DECR1: variants seen among roughly 807,000 people sequenced by gnomAD.
DECR1 encodes the protein 2,4-dienoyl-CoA reductase [(3E)-enoyl-CoA-producing], mitochondrial.
A neutral mutation model predicts 38.8 loss-of-function variants in DECR1; 44 were observed. The observed-to-expected ratio is 1.13, with a 90% CI of 0.89 to 1.46. The LOEUF (loss-of-function observed/expected upper bound fraction) is 1.46, where lower values mean the gene tolerates loss of function less well. Among genes scored for constraint, DECR1 ranks in the 40% most tolerant of loss-of-function variants. DECR1 has a pLI of 0.00. For missense variants in DECR1, 428 were observed against 405.5 expected (o/e 1.06, Z -0.48); for synonymous variants, 148 against 135.2 (o/e 1.09, Z -0.66).
At position 90,017,184 on chromosome 8, in the gene DECR1, T is replaced by C. The variant is rs2130044368; in HGVS notation, c.130T>C (p.Phe44Leu). The stretch of plus-strand genomic sequence containing the variant: ...CACTGAAGCTTTGCAATCTAAATTC[T>C]TTTCACCTCTTCAAAAAGCGATGCT... ...QNTEALQSKFFSPLQKAMLPP... is the reference protein window; with the variant it reads ...QNTEALQSKFLSPLQKAMLPP... The change falls in exon 2 of 10, where the codon TTT (phenylalanine) becomes CTT (leucine). Residue 44 changes from phenylalanine (F) to leucine (L), a missense_variant. By Grantham distance (22) the Phe-to-Leu change is conservative. Coordinates refer to ENST00000220764, the MANE Select transcript of DECR1 (RefSeq NM_001359.2). 1 of 1,614,178 alleles carries C rather than the reference T, an allele frequency of 6.2e-7. No individual in the cohort carries two copies. Among genetic ancestry groups the C allele is most frequent in the Middle Eastern group, 1.6e-4 (1 of 6,062 alleles).
intron 1 of DECR1, chr8:90,016,789 A>G (rs1212729342): frequency 3.6e-6 from 1 of 279,476 alleles, no homozygotes; most frequent in African/African-American, 2.3e-5. Context: ...TTTACCTGTA[A>G]TAACTCATAT....
chr8:90,003,627 A>G (rs1812671734), intron 1 of DECR1, among the ~76,000 whole-genome samples: 1 of 152,210 alleles, frequency 6.6e-6, no homozygotes, highest in Non-Finnish European at 1.5e-5. Context: ...AGTCTCATAT[A>G]TGTATTTTAA....
Position 90,052,078 on chromosome 8 carries a change from G to A in DECR1, c.*181G>A. The A allele has an allele frequency of 3.8e-6, 2 of 521,888 alleles. No homozygotes were observed. The highest frequency in any genetic ancestry group is 6.6e-6 in the Non-Finnish European group (2 of 304,654). The allele number at this position is 521,888 out of a possible 1,614,324, so 32.3% of individuals were successfully genotyped here. On this transcript the variant is annotated 3_prime_UTR_variant, in exon 10 of 10. Transcript: ENST00000220764. ...TCAAAGATAAATAAAATGAAATATA[G>A]TCCTTCAAAACATTAAAAAAAAAAA... is the stretch of plus-strand genomic sequence containing the variant.
chr8:90,035,448 C>A (rs1435240978), intron 5 of DECR1, among the ~76,000 whole-genome samples: 1 of 151,600 alleles, frequency 6.6e-6, no homozygotes, highest in East Asian at 1.9e-4. Context: ...ATTCATGGAT[C>A]TTTTCTTCTA....
chr8:90,028,901 G>A (rs1472135330), intron 5 of DECR1, among the ~76,000 whole-genome samples: 2 of 151,948 alleles, frequency 1.3e-5, no homozygotes, highest in Admixed American at 6.6e-5. Context: ...CCCATTTATA[G>A]ACATGGGTGG....
chr8:90,044,551 T>A (rs1193926483), intron 7 of DECR1, among the ~76,000 whole-genome samples: 2 of 152,230 alleles, frequency 1.3e-5, no homozygotes, highest in African/African-American at 4.8e-5. Context: ...CCACCTAAGC[T>A]TGTACATATT....
intron 1 of DECR1, among the ~76,000 whole-genome samples, chr8:90,016,099 T>C (rs1813000476): frequency 6.6e-6 from 1 of 152,172 alleles, no homozygotes; most frequent in South Asian, 2.1e-4. Context: ...TGTTAACATA[T>C]AAAATAGGGC....
At chr8:90,032,445 G>A (rs1413964976) in intron 5 of DECR1, among the ~76,000 whole-genome samples, 2 of 152,052 alleles carry the variant, frequency 1.3e-5, no homozygotes, top group Admixed American at 6.6e-5. Flanking sequence ...AAGAGTTCAC[G>A]TGATTAGACT....
chr8:90,025,716 T>C (rs896850414), intron 5 of DECR1, among the ~76,000 whole-genome samples: 1 of 152,118 alleles, frequency 6.6e-6, no homozygotes, highest in Non-Finnish European at 1.5e-5. Context: ...CCCTTATTTC[T>C]TTCTCCTGCC....
intron 5 of DECR1, among the ~76,000 whole-genome samples, chr8:90,031,725 T>G (rs1272709589): frequency 6.6e-6 from 1 of 152,146 alleles, no homozygotes. Flanking sequence ...TCAGTAAGAT[T>G]AATTGCTAGC....
At chr8:90,010,021 T>C (rs1003642181) in intron 1 of DECR1, among the ~76,000 whole-genome samples, 1 of 152,248 alleles carries the variant, frequency 6.6e-6, no homozygotes, top group Non-Finnish European at 1.5e-5. Flanking sequence ...TCCTGGCAAC[T>C]GCATAATTCA....
At chr8:90,028,021 T>C (rs1240328611) in intron 5 of DECR1, among the ~76,000 whole-genome samples, 2 of 152,160 alleles carry the variant, frequency 1.3e-5, no homozygotes, top group Non-Finnish European at 2.9e-5. Context: ...AAGTGTTACT[T>C]TTCATTGAGC....
At chr8:90,036,071 A>G (rs751566467) in intron 5 of DECR1, among the ~76,000 whole-genome samples, 2 of 152,102 alleles carry the variant, frequency 1.3e-5, no homozygotes, top group South Asian at 2.1e-4. Context: ...CCTGGCCTCA[A>G]TGGAATCTCA....
At chr8:90,009,621 A>G (rs1430387186) in intron 1 of DECR1, among the ~76,000 whole-genome samples, 2 of 152,126 alleles carry the variant, frequency 1.3e-5, no homozygotes, top group African/African-American at 4.8e-5. Flanking sequence ...TCATAATGTC[A>G]TGTTTATCCC....
rs576817328 is a variant in DECR1, at chr8:90,022,479, G to A, written c.565+1423G>A. ...GGATGTGATTTATAATTGGATTTTG[G>A]ATAAGTGTTTTATTTGATGTTTTTT... On this transcript the variant is annotated intron_variant, in intron 5 of 9. Coordinates refer to ENST00000220764, the MANE Select transcript of DECR1 (RefSeq NM_001359.2). Among the ~76,000 whole-genome samples the A allele has an allele frequency of 3.9e-5, 6 of 152,126 alleles. No individual in the cohort carries two copies. The South Asian group carries it at 1.2e-3, about 32-fold the overall frequency.
chr8:90,050,983 T>C (rs979968445), intron 8 of DECR1, among the ~76,000 whole-genome samples: 2 of 151,936 alleles, frequency 1.3e-5, no homozygotes, highest in East Asian at 3.9e-4. Context: ...ATGAAAACAC[T>C]TGGACACAGG....
intron 6 of DECR1, among the ~76,000 whole-genome samples, chr8:90,039,867 A>T (rs1420153718): frequency 6.6e-6 from 1 of 152,236 alleles, no homozygotes; most frequent in Non-Finnish European, 1.5e-5. Flanking sequence ...AGCAATATTT[A>T]TAGTATTGAC....
chr8:90,020,900 A>C lies in DECR1; in HGVS notation c.418-9A>C. On this transcript the variant is annotated splice_polypyrimidine_tract_variant and intron_variant, in intron 4 of 9. Coordinates refer to ENST00000220764, the MANE Select transcript of DECR1 (RefSeq NM_001359.2). ...AAAGTTTCTGTAACTTGCCTTGTTC[A>C]TTTATTAGATTGTGATAAACAATGC... is the stretch of plus-strand genomic sequence containing the variant. The C allele has an allele frequency of 6.6e-7, 1 of 1,526,306 alleles. No individual in the cohort carries two copies. Among genetic ancestry groups the C allele is most frequent in the Non-Finnish European group, 8.7e-7 (1 of 1,143,008 alleles). 94.5% of individuals were successfully genotyped at this position (1,526,306 alleles called of 1,614,324 possible). A position where few individuals can be genotyped will look rare whatever the true frequency, so the allele number is the denominator to read the frequency against.
intron 1 of DECR1, among the ~76,000 whole-genome samples, chr8:90,008,013 A>T (rs1563614981): frequency 6.6e-6 from 1 of 152,242 alleles, no homozygotes; most frequent in African/African-American, 2.4e-5. Flanking sequence ...GTAGGCTTTC[A>T]TAATTGCTGG....
Sources: allele counts gnomAD v4.1 joint callset (sites outside exome capture counted in the v4.1 genomes callset), GRCh38; gene constraint gnomAD v4.1.1; transcripts MANE v1.5; gene names NCBI Gene and HGNC (gene_info 2026-07-23, HGNC 2026-07-21).